The following GOLM1 variants were observed in gnomAD, a reference collection of about 807,000 sequenced individuals.
GOLM1 encodes the protein epididymis luminal protein 46.
GOLM1 carries 31 observed loss-of-function variants against 50.5 expected under a neutral mutation model. The ratio of observed to expected loss-of-function variants is 0.61; its 90% confidence interval spans 0.46 to 0.83. GOLM1 has a LOEUF of 0.83. Among genes scored for constraint, GOLM1 ranks in the 40% least tolerant of loss-of-function variants. The pLI is 0.00. For synonymous variants in GOLM1, 178 were observed against 192.8 expected (o/e 0.92, Z 0.64); for missense variants, 491 against 501.3 (o/e 0.98, Z 0.20).
At position 86,029,563 on chromosome 9, in the gene GOLM1, G is replaced by A. The variant is rs116197479; in HGVS notation, c.1130-1670C>T. Among the ~76,000 whole-genome samples, 1,124 of 152,164 alleles carry A rather than the reference G, an allele frequency of 7.4e-3. 9 individuals are homozygous for A. Among genetic ancestry groups the A allele is most frequent in the African/African-American group, 0.026 (1,072 of 41,494 alleles). On this transcript the variant is annotated intron_variant, in intron 9 of 9. Coordinates refer to ENST00000388712, the MANE Select transcript of GOLM1 (RefSeq NM_016548.4). ...ACCACGGTCTTGATTTATAACTATG[G>A]CACATTAAATGGTAGTTTAATGACC...
chr9:86,060,177 A>G lies in GOLM1; in HGVS notation c.310-7586T>C, dbSNP rs528918790. Among the ~76,000 whole-genome samples, 12 of 152,272 alleles carry G rather than the reference A, an allele frequency of 7.9e-5. No individual in the cohort carries two copies. The South Asian group carries it at 1.0e-3, about 13-fold the overall frequency. ...TCACACTCAATCTTTGCACTCCAGC[A>G]TATCTTACACTTGTAGGACATCTCA... is the stretch of plus-strand genomic sequence containing the variant. On this transcript the variant is annotated intron_variant, in intron 3 of 9. Transcript: ENST00000388712.
intron 9 of GOLM1, among the ~76,000 whole-genome samples, chr9:86,030,348 A>C (rs1451625429): frequency 2.6e-5 from 4 of 151,968 alleles, no homozygotes; most frequent in African/African-American, 7.3e-5. Context: ...TCTGGCTGCT[A>C]GTGTATTTTG....
At chr9:86,030,770 TATAAG>T (rs1418959685) in intron 9 of GOLM1, among the ~76,000 whole-genome samples, 14 of 152,246 alleles carry the variant, frequency 9.2e-5, no homozygotes, top group Non-Finnish European at 1.9e-4. Flanking sequence ...ACTGTGGTTA[TATAAG>T]ATGTTAACAT....
At chr9:86,053,556 T>TTC (rs1833860094) in intron 3 of GOLM1, among the ~76,000 whole-genome samples, 3 of 376 alleles carry the variant, frequency 8.0e-3, no homozygotes, top group African/African-American at 0.013. Context: ...AAACACACAC[T>TTC]ACACACACAC....
chr9:86,036,984 A>C lies in GOLM1; in HGVS notation c.598-477T>G, dbSNP rs977675958. ...TTAAATATTTAACTAAAATCACACA[A>C]AGTAAATTAATAGAAATGGAATGGA... On this transcript the variant is annotated intron_variant, in intron 6 of 9. Transcript: ENST00000388712. 1.1e-3 allele frequency among the ~76,000 whole-genome samples: 160 copies of C among 152,332 alleles called. 1 individual carries two copies. Among genetic ancestry groups the C allele is most frequent in the African/African-American group, 3.7e-3 (155 of 41,568 alleles).
At chr9:86,082,235 C>T (rs1002945001) in intron 1 of GOLM1, among the ~76,000 whole-genome samples, 1 of 151,328 alleles carries the variant, frequency 6.6e-6, no homozygotes, top group Non-Finnish European at 1.5e-5. Context: ...CCCCCATTAG[C>T]CAGGATGGTC....
chr9:86,027,492 A>G lies in GOLM1; in HGVS notation c.*325T>C. ...CTATAGGTGGCTGTTAATTTACACA[A>G]AGTTATATTCCAGAATCAGGAAGCC... is the stretch of plus-strand genomic sequence containing the variant. On this transcript the variant is annotated 3_prime_UTR_variant, in exon 10 of 10. Transcript: ENST00000388712. The G allele has an allele frequency of 9.0e-7, 1 of 1,116,744 alleles. No homozygotes were observed. Among genetic ancestry groups the G allele is most frequent in the Non-Finnish European group, 1.1e-6 (1 of 913,222 alleles). The allele number at this position is 1,116,744 out of a possible 1,614,324, so 69.2% of individuals were successfully genotyped here. A position where few individuals can be genotyped will look rare whatever the true frequency, so the allele number is the denominator to read the frequency against.
At chr9:86,081,894 A>G (rs946338444) in intron 1 of GOLM1, among the ~76,000 whole-genome samples, 1 of 151,514 alleles carries the variant, frequency 6.6e-6, no homozygotes, top group Non-Finnish European at 1.5e-5. Flanking sequence ...GATTAAAAAA[A>G]AAAAAGAAAA....
At position 86,030,724 on chromosome 9, in the gene GOLM1, T is replaced by C. The variant is rs144133027; in HGVS notation, c.1129+2558A>G. 9.2e-3 allele frequency among the ~76,000 whole-genome samples: 1,395 copies of C among 152,336 alleles called. 20 individuals carry two copies. The highest frequency in any genetic ancestry group is 0.03 in the African/African-American group (1,255 of 41,580). ...AAAGTCTACAGATTAGATAATAGCA[T>C]TGTATAAACATTAATTTCCTTATTT... is the stretch of plus-strand genomic sequence containing the variant. On this transcript the variant is annotated intron_variant, in intron 9 of 9. Coordinates refer to ENST00000388712, the MANE Select transcript of GOLM1 (RefSeq NM_016548.4).
chr9:86,088,580 TTTTTTTTTG>T (rs1204373841), intron 1 of GOLM1, among the ~76,000 whole-genome samples: 2 of 148,630 alleles, frequency 1.3e-5, no homozygotes, highest in Non-Finnish European at 3.0e-5. Flanking sequence ...TTGTTTTTTT[TTTTTTTTTG>T]TTTTGTTTTT....
intron 1 of GOLM1, chr9:86,080,228 G>C (rs1469482552): frequency 6.6e-6 from 1 of 152,212 alleles, no homozygotes; most frequent in Non-Finnish European, 1.5e-5. Context: ...GAGCTACAGA[G>C]TGCACAAAAA....
intron 3 of GOLM1, among the ~76,000 whole-genome samples, chr9:86,064,045 G>A (rs752433142): frequency 6.6e-6 from 1 of 152,198 alleles, no homozygotes; most frequent in Non-Finnish European, 1.5e-5. Context: ...CTGAGGTCCA[G>A]GACATCCCAT....
At chr9:86,087,148 T>G (rs1430692081) in intron 1 of GOLM1, among the ~76,000 whole-genome samples, 1 of 152,216 alleles carries the variant, frequency 6.6e-6, no homozygotes, top group Non-Finnish European at 1.5e-5. Context: ...TTTGTAGTTC[T>G]CCTTGAAGAG....
intron 1 of GOLM1, among the ~76,000 whole-genome samples, chr9:86,086,354 G>A (rs963308114): frequency 2.0e-5 from 3 of 151,880 alleles, no homozygotes; most frequent in African/African-American, 7.3e-5. Flanking sequence ...TGTAGAGTCT[G>A]GATATTAGCC....
chr9:86,036,845 A>G (rs766075304), intron 6 of GOLM1: 5 of 254,834 alleles, frequency 2.0e-5, no homozygotes, highest in African/African-American at 6.8e-5. Flanking sequence ...TTGACGAAAC[A>G]AACATCTGCA....
intron 2 of GOLM1, chr9:86,077,852 T>C (rs1834665461): frequency 4.4e-6 from 2 of 459,650 alleles, no homozygotes. Context: ...GAGGCTTAAA[T>C]GTGCTAAGTG....
At chr9:86,088,402 GTTGT>G (rs1258865739) in intron 1 of GOLM1, among the ~76,000 whole-genome samples, 1 of 105,112 alleles carries the variant, frequency 9.5e-6, no homozygotes, top group Non-Finnish European at 1.8e-5. Context: ...TCCTGGATTC[GTTGT>G]TTTTTTGAAG....
Position 86,046,619 on chromosome 9 carries a change from C to T in GOLM1, c.365-47G>A. On this transcript the variant is annotated intron_variant, in intron 4 of 9. Transcript: ENST00000388712. The stretch of plus-strand genomic sequence containing the variant: ...TTGCACAGGTCACCGGCACAGCTGT[C>T]ATGCCATTCAGCCAAAATATGACAG... The T allele has an allele frequency of 4.2e-6, 5 of 1,202,234 alleles. 1 individual carries two copies. Among genetic ancestry groups the T allele is most frequent in the Admixed American group, 1.9e-5 (1 of 52,360 alleles). 74.5% of individuals were successfully genotyped at this position (1,202,234 alleles called of 1,614,324 possible). A position where few individuals can be genotyped will look rare whatever the true frequency, so the allele number is the denominator to read the frequency against.
intron 9 of GOLM1, among the ~76,000 whole-genome samples, chr9:86,031,663 TGTTA>T (rs1832988704): frequency 6.6e-6 from 1 of 151,678 alleles, no homozygotes; most frequent in Non-Finnish European, 1.5e-5. Context: ...GGTTTCACCA[TGTTA>T]GTTAGGCTGG....
Sources: gnomAD v4.1 joint callset for allele counts (sites outside exome capture counted in the v4.1 genomes callset) on GRCh38, gnomAD v4.1.1 for gene constraint, MANE v1.5 for transcripts, NCBI Gene and HGNC (gene_info 2026-07-23, HGNC 2026-07-21) for gene names.